DTNA: variants seen among roughly 807,000 people sequenced by gnomAD.
DTNA encodes dystrophin-related protein 3.
DTNA carries 43 observed loss-of-function variants against 100.7 expected under a neutral mutation model. The ratio of observed to expected loss-of-function variants is 0.43; its 90% confidence interval spans 0.33 to 0.55. The LOEUF is 0.55. Ranked by LOEUF, DTNA falls within the 20% of genes least tolerant of loss-of-function variation. The probability of loss-of-function intolerance (pLI) is 0.04; values close to 1 mark genes in which losing one functional copy is unlikely to be tolerated. For synonymous variants in DTNA, 349 were observed against 347.9 expected (o/e 1.00, Z -0.04); for missense variants, 798 against 953.9 (o/e 0.84, Z 2.15).
chr18:34,803,828 C>T (rs182204650), intron 4 of DTNA, among the ~76,000 whole-genome samples: 196 of 152,272 alleles, frequency 1.3e-3, no homozygotes, highest in Non-Finnish European at 2.0e-3. Flanking sequence ...ATTAATAACT[C>T]ACTGAGTGGA....
intron 1 of DTNA, among the ~76,000 whole-genome samples, chr18:34,726,980 T>A (rs917022386): frequency 6.6e-6 from 1 of 152,220 alleles, no homozygotes; most frequent in African/African-American, 2.4e-5. Context: ...CTCTGGAATC[T>A]AGGTGGAAGC....
intron 1 of DTNA, among the ~76,000 whole-genome samples, chr18:34,739,532 G>C (rs1196803662): frequency 2.6e-5 from 4 of 152,158 alleles, no homozygotes; most frequent in African/African-American, 4.8e-5. Flanking sequence ...AAGGACTTCT[G>C]TGGACCCTTG....
chr18:34,732,381 A>G (rs539640181), intron 1 of DTNA, among the ~76,000 whole-genome samples: 2 of 152,342 alleles, frequency 1.3e-5, no homozygotes, highest in Admixed American at 1.3e-4. Context: ...TCACCTGTAT[A>G]TGCCAAGACA....
At chr18:34,807,088 G>C (rs548777670) in intron 5 of DTNA, among the ~76,000 whole-genome samples, 16 of 152,108 alleles carry the variant, frequency 1.1e-4, no homozygotes, top group Non-Finnish European at 1.9e-4. Context: ...ATAGATTTCT[G>C]GGTCCCACCC....
intron 1 of DTNA, among the ~76,000 whole-genome samples, chr18:34,583,579 CT>C (rs1329640127): frequency 6.7e-6 from 1 of 148,248 alleles, no homozygotes; most frequent in Non-Finnish European, 1.5e-5. Context: ...CAGCAGAGAG[CT>C]ATTGACTTTT....
intron 14 of DTNA, among the ~76,000 whole-genome samples, chr18:34,851,566 A>G (rs1184484995): frequency 6.6e-6 from 1 of 152,232 alleles, no homozygotes; most frequent in Non-Finnish European, 1.5e-5. Flanking sequence ...TTTCAGTCAG[A>G]AAGCTGAAAA....
At chr18:34,813,908 T>C (rs575133279) in intron 6 of DTNA, among the ~76,000 whole-genome samples, 1 of 152,184 alleles carries the variant, frequency 6.6e-6, no homozygotes, top group East Asian at 1.9e-4. Context: ...TCAATTTTAC[T>C]GCTTTCCAAC....
chr18:34,545,925 G>T lies in DTNA; in HGVS notation c.-2+52411G>T, dbSNP rs556026004. Among the ~76,000 whole-genome samples the T allele has an allele frequency of 2.2e-3, 339 of 152,194 alleles. 5 individuals are homozygous for T. The highest frequency in any genetic ancestry group is 2.7e-3 in the South Asian group (13 of 4,826). ...CAACACTTTCTGAGCACACCACCAG[G>T]TCCCAAGCTTACCTGGCTTTCTCAA... On this transcript the variant is annotated intron_variant, in intron 1 of 19. Coordinates refer to the DTNA transcript ENST00000283365.
At chr18:34,804,944 C>T (rs1039347317) in intron 4 of DTNA, among the ~76,000 whole-genome samples, 5 of 152,076 alleles carry the variant, frequency 3.3e-5, no homozygotes, top group African/African-American at 7.2e-5. Flanking sequence ...AACAAAACCA[C>T]GATTATTTAT....
intron 3 of DTNA, among the ~76,000 whole-genome samples, chr18:34,785,455 GT>G (rs2094476916): frequency 6.6e-6 from 1 of 152,046 alleles, no homozygotes; most frequent in Admixed American, 6.5e-5. Context: ...ATGCCTCTCT[GT>G]TTGCTCTCAA....
At chr18:34,571,260 T>A (rs994929139) in intron 1 of DTNA, among the ~76,000 whole-genome samples, 8 of 152,176 alleles carry the variant, frequency 5.3e-5, no homozygotes, top group Non-Finnish European at 1.2e-4. Flanking sequence ...AGAGGCACAG[T>A]CCTCCATATT....
intron 1 of DTNA, among the ~76,000 whole-genome samples, chr18:34,546,987 G>A (rs909909960): frequency 1.3e-5 from 2 of 151,936 alleles, no homozygotes; most frequent in Admixed American, 1.3e-4. Flanking sequence ...CATTACAGAT[G>A]TGAGCCACTA....
intron 1 of DTNA, among the ~76,000 whole-genome samples, chr18:34,742,961 C>T (rs532762236): frequency 7.9e-5 from 12 of 152,188 alleles, no homozygotes; most frequent in Admixed American, 6.5e-4. Flanking sequence ...AAAGAAGGCG[C>T]CTTCCCACCA....
At chr18:34,557,832 GC>G (rs1257728031) in intron 1 of DTNA, 1 of 152,308 alleles carries the variant, frequency 6.6e-6, no homozygotes, top group Non-Finnish European at 1.5e-5. Flanking sequence ...GTTTGTCTGT[GC>G]CCTGCCCCCA....
intron 1 of DTNA, among the ~76,000 whole-genome samples, chr18:34,611,187 C>A (rs184793547): frequency 6.6e-6 from 1 of 152,096 alleles, no homozygotes; most frequent in Non-Finnish European, 1.5e-5. Context: ...AAAAAATTCT[C>A]TTGGATCTTA....
intron 3 of DTNA, among the ~76,000 whole-genome samples, chr18:34,792,843 G>T (rs2094808172): frequency 2.0e-5 from 3 of 151,992 alleles, no homozygotes; most frequent in African/African-American, 7.3e-5. Context: ...TTAATATTTT[G>T]AATCCCTCAT....
At chr18:34,841,194 G>A (rs924249916) in intron 13 of DTNA, among the ~76,000 whole-genome samples, 3 of 152,024 alleles carry the variant, frequency 2.0e-5, no homozygotes, top group Admixed American at 6.6e-5. Context: ...TAAAAAGTGG[G>A]GCAGAGATTT....
chr18:34,660,612 C>A lies in DTNA; in HGVS notation c.-1-95364C>A, dbSNP rs557555499. ...CTAAGAGTCTGGCACCTTTTTAAGT[C>A]TAATAAGAAACATTTACAATCTAAT... On this transcript the variant is annotated intron_variant, in intron 1 of 19. Coordinates refer to the DTNA transcript ENST00000283365. 6.6e-5 allele frequency among the ~76,000 whole-genome samples: 10 copies of A among 152,014 alleles called. No individual in the cohort carries two copies. In the South Asian group the frequency reaches 2.1e-3, roughly 32 times the overall value.
intron 1 of DTNA, among the ~76,000 whole-genome samples, chr18:34,566,254 C>T (rs891419145): frequency 1.1e-4 from 16 of 148,964 alleles, no homozygotes; most frequent in Admixed American, 1.1e-3. Flanking sequence ...AGAAGGGTGG[C>T]ATAGGAGAGA....
Sources: gnomAD v4.1 joint callset for allele counts (sites outside exome capture counted in the v4.1 genomes callset) on GRCh38, gnomAD v4.1.1 for gene constraint, MANE v1.5 for transcripts, NCBI Gene and HGNC (gene_info 2026-07-23, HGNC 2026-07-21) for gene names.